MTUS2: variants seen among roughly 807,000 people sequenced by gnomAD.
MTUS2 encodes the protein microtubule associated scaffold protein 2.
MTUS2 carries 40 observed loss-of-function variants against 114.1 expected under a neutral mutation model. The ratio of observed to expected loss-of-function variants is 0.35; its 90% CI spans 0.27 to 0.46. The LOEUF (loss-of-function observed/expected upper bound fraction) is 0.46. MTUS2 is among the 20% of genes least tolerant of loss of function. The probability of loss-of-function intolerance (pLI) is 1.00; values close to 1 mark genes in which losing one functional copy is unlikely to be tolerated. For missense variants in MTUS2, 1,679 were observed against 1,705.4 expected (o/e 0.98, Z 0.27); for synonymous variants, 688 against 672.0 (o/e 1.02, Z -0.37).
chr13:29,050,171 C>T (rs1342368243), intron 4 of MTUS2, among the ~76,000 whole-genome samples: 1 of 152,076 alleles, frequency 6.6e-6, no homozygotes, highest in Non-Finnish European at 1.5e-5. Context: ...CTAGGAAACC[C>T]AAAAAGTGTT....
intron 14 of MTUS2, among the ~76,000 whole-genome samples, chr13:29,499,509 T>G (rs1882755072): frequency 6.6e-6 from 1 of 152,214 alleles, no homozygotes. Flanking sequence ...TGAAATAAGA[T>G]AAACAAAAAA....
intron 2 of MTUS2, among the ~76,000 whole-genome samples, chr13:28,913,595 T>G (rs576470353): frequency 6.6e-6 from 1 of 151,982 alleles, no homozygotes; most frequent in South Asian, 2.1e-4. Context: ...GTATCTCTGA[T>G]ATCTAGTTTG....
At chr13:28,865,549 G>A (rs1877247571) in intron 2 of MTUS2, among the ~76,000 whole-genome samples, 2 of 152,178 alleles carry the variant, frequency 1.3e-5, no homozygotes, top group Non-Finnish European at 2.9e-5. Flanking sequence ...ATAATGAGAG[G>A]CCGAGCTTAG....
intron 8 of MTUS2, among the ~76,000 whole-genome samples, chr13:29,386,887 T>C (rs1243665264): frequency 6.6e-6 from 1 of 152,202 alleles, no homozygotes; most frequent in Non-Finnish European, 1.5e-5. Flanking sequence ...AGGCCTGCTC[T>C]TTCCACTCAC....
chr13:29,302,267 C>T (rs1038622810), intron 6 of MTUS2, among the ~76,000 whole-genome samples: 4 of 152,148 alleles, frequency 2.6e-5, no homozygotes, highest in Admixed American at 2.6e-4. Context: ...CCAAAGGAAC[C>T]CCCACCCCCA....
intron 7 of MTUS2, among the ~76,000 whole-genome samples, chr13:29,335,017 G>A (rs938537062): frequency 2.6e-5 from 4 of 152,202 alleles, no homozygotes; most frequent in Non-Finnish European, 5.9e-5. Context: ...GGCACCTTAA[G>A]AACAGGATAA....
rs1407130073 is a variant in MTUS2, at chr13:29,395,105, C to T, written c.3117+35632C>T. Among the ~76,000 whole-genome samples the T allele has an allele frequency of 2.0e-5, 3 of 152,256 alleles. No homozygotes were observed. The East Asian group carries it at 5.8e-4, about 29-fold the overall frequency. ...AAAATACTTTGATTTCTTTCAGGGC[C>T]TGCTATCTGTCATGAGATGCTATAC... On this transcript the variant is annotated intron_variant, in intron 8 of 15. Coordinates refer to ENST00000612955, the MANE Select transcript of MTUS2 (RefSeq NM_001033602.4).
chr13:29,124,326 C>CA (rs1891428452), intron 5 of MTUS2, among the ~76,000 whole-genome samples: 1 of 151,628 alleles, frequency 6.6e-6, no homozygotes, highest in Non-Finnish European at 1.5e-5. Flanking sequence ...TAAATTATTA[C>CA]AATATAGTAT....
intron 8 of MTUS2, among the ~76,000 whole-genome samples, chr13:29,383,248 G>GTATATATATATA (rs1361530154): frequency 1.6e-5 from 1 of 63,204 alleles, no homozygotes. Context: ...GTGTGTGTGT[G>GTATATATATATA]TGTGTATTTA....
At chr13:29,411,962 T>C (rs190883074) in intron 8 of MTUS2, among the ~76,000 whole-genome samples, 47 of 152,362 alleles carry the variant, frequency 3.1e-4, no homozygotes, top group African/African-American at 1.0e-3. Context: ...ACTGTGTGAG[T>C]CAGTTTTATC....
chr13:29,495,280 C>A (rs866134386), intron 12 of MTUS2, among the ~76,000 whole-genome samples: 85 of 143,866 alleles, frequency 5.9e-4, no homozygotes, highest in African/African-American at 2.2e-3. Context: ...ATCACTTGAA[C>A]CCGGCAGGCT....
chr13:29,325,490 G>GGGGGGGA (rs1566131905), intron 7 of MTUS2, among the ~76,000 whole-genome samples: 2 of 134,850 alleles, frequency 1.5e-5, no homozygotes, highest in South Asian at 2.5e-4. Flanking sequence ...AAGAGGAAGA[G>GGGGGGGA]GGAGGAGGAG....
intron 2 of MTUS2, among the ~76,000 whole-genome samples, chr13:28,899,935 T>C (rs1439001579): frequency 3.3e-5 from 5 of 152,100 alleles, no homozygotes; most frequent in African/African-American, 1.2e-4. Flanking sequence ...TCACCCAGGC[T>C]GGAGTGCAAC....
intron 9 of MTUS2, among the ~76,000 whole-genome samples, chr13:29,454,276 G>C (rs1566209657): frequency 6.6e-6 from 1 of 152,136 alleles, no homozygotes; most frequent in African/African-American, 2.4e-5. Flanking sequence ...TGAAGAACAT[G>C]GTCAGAGTTT....
At chr13:29,286,682 C>CTATCTATCTATCTATCTATA (rs1274951036) in intron 6 of MTUS2, among the ~76,000 whole-genome samples, 32 of 151,862 alleles carry the variant, frequency 2.1e-4, no homozygotes, top group African/African-American at 6.8e-4. Flanking sequence ...GTCTATCTAT[C>CTATCTATCTATCTATCTATA]TATCTATCTA....
chr13:29,158,418 G>T lies in MTUS2; in HGVS notation c.2644+57448G>T, dbSNP rs1037413517. Among the ~76,000 whole-genome samples the T allele has an allele frequency of 7.5e-5, 10 of 134,166 alleles. No homozygotes were observed. The Admixed American group carries it at 8.5e-4, about 11-fold the overall frequency. 88.0% of individuals were successfully genotyped at this position (134,166 alleles called of 152,430 possible). ...GGAAATGTCCAAGTGTCAAAGCCAG[G>T]GCTCAGCCCAGGCCAATCAGGGACA... On this transcript the variant is annotated intron_variant, in intron 5 of 15. Coordinates refer to ENST00000612955, the MANE Select transcript of MTUS2 (RefSeq NM_001033602.4).
intron 8 of MTUS2, among the ~76,000 whole-genome samples, chr13:29,378,872 G>C (rs540173490): frequency 6.6e-6 from 1 of 152,238 alleles, no homozygotes; most frequent in South Asian, 2.1e-4. Context: ...ATCTCATCTT[G>C]AATTGTAATT....
intron 5 of MTUS2, among the ~76,000 whole-genome samples, chr13:29,186,351 A>C (rs1894222696): frequency 2.0e-5 from 3 of 152,252 alleles, no homozygotes; most frequent in Admixed American, 2.0e-4. Context: ...AAAATGATCC[A>C]ACTGTATGCT....
In MTUS2 at chr13:29,503,295, C is replaced by T; in HGVS notation, c.*89C>T. 6.9e-7 allele frequency: 1 copy of T among 1,451,272 alleles called. No individual in the cohort carries two copies. Among genetic ancestry groups the T allele is most frequent in the African/African-American group, 1.4e-5 (1 of 71,360 alleles). 89.9% of individuals were successfully genotyped at this position (1,451,272 alleles called of 1,614,324 possible). ...CCGACCCGGTGCCGCCGGAGCTGGC[C>T]CTGTGCGCATGCTCAGTAGCTGCGA... On this transcript the variant is annotated 3_prime_UTR_variant, in exon 16 of 16. Transcript: ENST00000612955.
Sources: gnomAD v4.1 joint callset for allele counts (sites outside exome capture counted in the v4.1 genomes callset) on GRCh38, gnomAD v4.1.1 for gene constraint, MANE v1.5 for transcripts, NCBI Gene and HGNC (gene_info 2026-07-23, HGNC 2026-07-21) for gene names.